Variants in TCN2 observed in about 807,000 individuals in gnomAD.
TCN2 encodes transcobalamin 2.
Under a neutral mutation model 48.6 loss-of-function variants are expected in TCN2, and 34 were observed. The ratio of observed to expected loss-of-function variants is 0.70; its 90% CI spans 0.53 to 0.93. TCN2 has a LOEUF of 0.93. TCN2 is among the 40% of genes least tolerant of loss of function. The pLI is 0.00. For synonymous variants in TCN2, 283 were observed against 212.5 expected, an observed-to-expected ratio of 1.33 and a Z score of -2.89; for missense variants, 652 against 526.1, an observed-to-expected ratio of 1.24 and a Z score of -2.34.
intron 7 of TCN2, among the ~76,000 whole-genome samples, chr22:30,622,756 A>G (rs536077333): frequency 6.6e-6 from 1 of 152,144 alleles, no homozygotes; most frequent in Non-Finnish European, 1.5e-5. Flanking sequence ...CAGCGTGGAG[A>G]GGATGAAGCC....
rs4820889 is a variant in TCN2, at chr22:30,623,057, G to C, written c.1196G>C (p.Arg399Pro). 39 of 1,613,766 alleles carry C rather than the reference G, an allele frequency of 2.4e-5. No homozygotes were observed. The highest frequency in any genetic ancestry group is 3.3e-5 in the Non-Finnish European group (39 of 1,179,974). Residue 399 changes from arginine to proline, a missense_variant, in exon 8 of 9, where the codon CGA (arginine) becomes CCA (proline). Transcript: ENST00000215838. ...GAAAGGGAGTTCTGGCAGCTTCTCC[G>C]AGACCCCAACACCCCACTGTTGCAA... is the stretch of plus-strand genomic sequence containing the variant. ...AGEREFWQLL[R>P]DPNTPLLQGI...
At chr22:30,615,166 A>G (rs181931562) in intron 4 of TCN2, 135 bp from the exon 5 acceptor site, 2 of 891,096 alleles carry the variant, frequency 2.2e-6, no homozygotes, top group Non-Finnish European at 3.7e-6. Context: ...CCCTTAGCTG[A>G]TCTGACCATG....
intron 2 of TCN2, among the ~76,000 whole-genome samples, chr22:30,612,433 C>T (rs966561258): frequency 2.0e-5 from 3 of 152,010 alleles, no homozygotes; most frequent in African/African-American, 7.3e-5. Context: ...AACTGTAATC[C>T]CAGCTACTTG....
intron 7 of TCN2, among the ~76,000 whole-genome samples, chr22:30,622,618 G>A (rs542787583): frequency 2.6e-5 from 4 of 152,256 alleles, no homozygotes; most frequent in Admixed American, 1.3e-4. Context: ...GTTGTACATT[G>A]TACACATTCT....
intron 8 of TCN2, among the ~76,000 whole-genome samples, chr22:30,625,498 C>CT (rs1039242576): frequency 6.6e-6 from 1 of 151,962 alleles, no homozygotes; most frequent in Admixed American, 6.6e-5. Context: ...GGGTCTCACT[C>CT]TGTCACCCAC....
intron 1 of TCN2, chr22:30,610,120 A>C (rs2087513635): frequency 4.4e-6 from 2 of 453,012 alleles, no homozygotes; most frequent in Non-Finnish European, 9.2e-6. Flanking sequence ...AGAGTGTTTG[A>C]GTATTTTCGT....
intron 8 of TCN2, among the ~76,000 whole-genome samples, chr22:30,624,441 CT>C (rs2087773009): frequency 6.6e-6 from 1 of 152,102 alleles, no homozygotes; most frequent in South Asian, 2.1e-4. Flanking sequence ...TACTCCACCC[CT>C]GAAGAACTTT....
rs752978666 is a variant in TCN2, at chr22:30,615,613, T to G, written c.766T>G (p.Ser256Ala). 6.2e-6 allele frequency: 10 copies of G among 1,613,896 alleles called. No individual in the cohort carries two copies. Among genetic ancestry groups the G allele is most frequent in the Non-Finnish European group, 8.5e-6 (10 of 1,179,986 alleles). Residue 256 changes from serine (S) to alanine (A), a missense_variant, in exon 6 of 9, where the codon TCC becomes GCC. By Grantham distance (99) the Ser-to-Ala change is moderately conservative. Coordinates refer to ENST00000215838, the MANE Select transcript of TCN2 (RefSeq NM_000355.4). ...TPLALQFLMT[S>A]PMRGAELGTA... is the part of the protein sequence containing the mutation. Reference sequence around the variant, plus strand: ...ACTCTATCACCAGTTCCTCATGACTTCCCCCATGCGTGGGGCAGAACTGGG... The same window carrying G: ...ACTCTATCACCAGTTCCTCATGACTGCCCCCATGCGTGGGGCAGAACTGGG...
At position 30,613,994 on chromosome 22, in the gene TCN2, C is replaced by T. The variant is rs906899605; in HGVS notation, c.428-355C>T. Among the ~76,000 whole-genome samples the T allele has an allele frequency of 2.6e-5, 4 of 152,336 alleles. 1 individual carries two copies. Among genetic ancestry groups the T allele is most frequent in the South Asian group, 4.1e-4 (2 of 4,822 alleles). Reference sequence around the variant, plus strand: ...CTCTACCTTTGGCTCTGCCTCCACCCATCCTCAGCCGTCTCCAGCATTACC... The same window carrying T: ...CTCTACCTTTGGCTCTGCCTCCACCTATCCTCAGCCGTCTCCAGCATTACC... On this transcript the variant is annotated intron_variant, in intron 3 of 8. Transcript: ENST00000215838.
In TCN2 at chr22:30,627,205, T is replaced by C. The variant is rs1300875091; in HGVS notation, c.*684T>C. On this transcript the variant is annotated 3_prime_UTR_variant, in exon 9 of 9. Coordinates refer to ENST00000215838, the MANE Select transcript of TCN2 (RefSeq NM_000355.4). The stretch of plus-strand genomic sequence containing the variant: ...GATGGGAATGCCAGCAGTGATGACA[T>C]TGACTACTGACTGAGCACCCACTAC... 2 of 161,764 alleles carry C rather than the reference T, an allele frequency of 1.2e-5. No homozygotes were observed. The highest frequency in any genetic ancestry group is 4.8e-5 in the African/African-American group (2 of 41,604). 10.0% of individuals were successfully genotyped at this position (161,764 alleles called of 1,614,324 possible).
At position 30,623,815 on chromosome 22, in the gene TCN2, C is replaced by T. The variant is rs868231054; in HGVS notation, c.1222+732C>T. On this transcript the variant is annotated intron_variant, in intron 8 of 8. Coordinates refer to ENST00000215838, the MANE Select transcript of TCN2 (RefSeq NM_000355.4). ...ATATATACACACATACACATATATA[C>T]ACACACATACACACACATATACACA... Among the ~76,000 whole-genome samples, 94 of 49,652 alleles carry T rather than the reference C, an allele frequency of 1.9e-3. 3 individuals carry two copies. The highest frequency in any genetic ancestry group is 5.2e-3 in the African/African-American group (16 of 3,102). 32.6% of individuals were successfully genotyped at this position (49,652 alleles called of 152,430 possible).
intron 8 of TCN2, among the ~76,000 whole-genome samples, chr22:30,623,825 C>CACACACATAT (rs1445979206): frequency 6.3e-5 from 1 of 15,970 alleles, no homozygotes; most frequent in East Asian, 1.1e-3. Flanking sequence ...CACACACATA[C>CACACACATAT]ACACACATAT....
intron 1 of TCN2, among the ~76,000 whole-genome samples, chr22:30,609,541 A>ATCTGCCCCTCCTC (rs2087504090): frequency 6.6e-6 from 1 of 151,982 alleles, no homozygotes; most frequent in African/African-American, 2.4e-5. Context: ...GAGGTCAGGG[A>ATCTGCCCCTCCTC]ACTCCCTTGC....
intron 7 of TCN2, among the ~76,000 whole-genome samples, chr22:30,618,198 C>T (rs530698420): frequency 6.6e-6 from 1 of 151,506 alleles, no homozygotes; most frequent in African/African-American, 2.4e-5. Flanking sequence ...CATCCTCACA[C>T]CTGAGGCGCT....
At chr22:30,616,775 T>C (rs2087618371) in intron 6 of TCN2, among the ~76,000 whole-genome samples, 1 of 152,158 alleles carries the variant, frequency 6.6e-6, no homozygotes, top group African/African-American at 2.4e-5. Context: ...CACTTCAGCC[T>C]GGGCGACAGT....
rs769224521 is a variant in TCN2, at chr22:30,615,739, C to T, written c.892C>T (p.His298Tyr). ...MISQLLPVLN[H>Y]KTYIDLIFPD... ...TTCCCAGCTGCTGCCCGTTCTGAAC[C>T]ACAAGACCTACATTGATCTGATCTT... The change falls in exon 6 of 9, where the codon CAC becomes TAC. Residue 298 changes from histidine to tyrosine, a missense_variant. Coordinates refer to ENST00000215838, the MANE Select transcript of TCN2 (RefSeq NM_000355.4). 8.7e-6 allele frequency: 14 copies of T among 1,614,230 alleles called. No individual in the cohort carries two copies. The highest frequency in any genetic ancestry group is 1.1e-5 in the Non-Finnish European group (13 of 1,180,040).
At chr22:30,617,677 A>C (rs1165592096) in intron 7 of TCN2, 182 bp downstream of exon 7, 3 of 802,066 alleles carry the variant, frequency 3.7e-6, no homozygotes, top group Non-Finnish European at 6.0e-6. Context: ...GCCATAGGCC[A>C]GCATTGTCAC....
intron 8 of TCN2, among the ~76,000 whole-genome samples, chr22:30,624,988 A>C (rs13057127): frequency 0.22 from 33,263 of 152,152 alleles, 3,649 homozygotes; most frequent in Middle Eastern, 0.24. Flanking sequence ...AGGCCAAGGC[A>C]GGTGGATCAC....
At chr22:30,609,266 C>CTTGTT (rs749824912) in intron 1 of TCN2, among the ~76,000 whole-genome samples, 26 of 151,740 alleles carry the variant, frequency 1.7e-4, no homozygotes, top group South Asian at 4.2e-4. Flanking sequence ...GCCTCCCAAA[C>CTTGTT]TGCTGGTATT....
Sources: gnomAD v4.1 joint callset for allele counts (sites outside exome capture counted in the v4.1 genomes callset) on GRCh38, gnomAD v4.1.1 for gene constraint, MANE v1.5 for transcripts, NCBI Gene and HGNC (gene_info 2026-07-23, HGNC 2026-07-21) for gene names.